Variants in AGBL1 observed in about 807,000 individuals in gnomAD.
AGBL1 encodes AGBL carboxypeptidase 1.
A neutral mutation model predicts 118.9 loss-of-function variants in AGBL1; 130 were observed. The observed-to-expected ratio is 1.09, with a 90% CI of 0.95 to 1.26. AGBL1 has a LOEUF of 1.26. Ranked by LOEUF, AGBL1 falls within the 50% of genes most tolerant of loss-of-function variation. The pLI, the probability that AGBL1 is intolerant of heterozygous loss-of-function variation, is 0.00. For missense variants in AGBL1, 1,584 were observed against 1,298.1 expected, an observed-to-expected ratio of 1.22 and a Z score of -3.38; for synonymous variants, 555 against 478.9, an observed-to-expected ratio of 1.16 and a Z score of -2.08.
At chr15:86,792,609 T>A (rs1011292807) in intron 22 of AGBL1, among the ~76,000 whole-genome samples, 1 of 152,114 alleles carries the variant, frequency 6.6e-6, no homozygotes, top group African/African-American at 2.4e-5. Flanking sequence ...CCAGACCTAG[T>A]TCTACCTGGC....
At chr15:86,858,007 A>C (rs963520597) in intron 22 of AGBL1, among the ~76,000 whole-genome samples, 1 of 152,072 alleles carries the variant, frequency 6.6e-6, no homozygotes, top group Non-Finnish European at 1.5e-5. Context: ...TTCTTTCCAG[A>C]ATAGTCTTTC....
chr15:86,827,489 G>GTGTATATA lies in AGBL1; in HGVS notation c.3159-79597_3159-79596insGTATATAT, dbSNP rs2079042884. On this transcript the variant is annotated intron_variant, in intron 22 of 22. Transcript: ENST00000614907. ...TATATACATATATATATATATGTGTGTATATATATATATATATATATATAT... is the reference window on the plus strand; with the variant it reads ...TATATACATATATATATATATGTGTGTGTATATATATATATATATATATATATATATAT... 1.2e-3 allele frequency among the ~76,000 whole-genome samples: 4 copies of GTGTATATA among 3,308 alleles called. 2 individuals are homozygous for GTGTATATA. The highest frequency in any genetic ancestry group is 4.2e-3 in the African/African-American group (4 of 952). The allele number at this position is 3,308 out of a possible 152,430, so 2.2% of individuals were successfully genotyped here.
At chr15:86,628,793 C>CA (rs909794779) in intron 21 of AGBL1, among the ~76,000 whole-genome samples, 14 of 146,188 alleles carry the variant, frequency 9.6e-5, no homozygotes, top group East Asian at 6.0e-4. Context: ...GACTCCATCT[C>CA]AAAAAAAAAA....
At chr15:86,992,475 C>G (rs1408207377) in intron 24 of AGBL1, among the ~76,000 whole-genome samples, 1 of 152,182 alleles carries the variant, frequency 6.6e-6, no homozygotes, top group East Asian at 1.9e-4. Flanking sequence ...ATCTATTGCA[C>G]TGAACACAGT....
At chr15:86,755,177 G>T (rs927423552) in intron 22 of AGBL1, among the ~76,000 whole-genome samples, 2 of 152,064 alleles carry the variant, frequency 1.3e-5, no homozygotes, top group African/African-American at 4.8e-5. Context: ...AAAAGGAAAG[G>T]AGGGAGCAAA....
intron 2 of AGBL1, 54 bp from the exon 3 acceptor site, chr15:86,143,645 A>G: frequency 4.4e-6 from 7 of 1,594,094 alleles, no homozygotes; most frequent in Non-Finnish European, 6.0e-6. Flanking sequence ...CTTCTGCTCC[A>G]AGGAAAATGG....
chr15:86,115,545 T>C (rs369700037), intron 1 of AGBL1, among the ~76,000 whole-genome samples: 5 of 152,036 alleles, frequency 3.3e-5, no homozygotes, highest in East Asian at 1.9e-4. Context: ...AGGCCGGAGG[T>C]AGTGAAATGC....
intron 22 of AGBL1, among the ~76,000 whole-genome samples, chr15:86,811,148 G>A (rs762998123): frequency 4.6e-5 from 7 of 152,102 alleles, no homozygotes; most frequent in Non-Finnish European, 8.8e-5. Context: ...AAGTGAAGTG[G>A]TAGAAAAGAA....
chr15:86,115,879 A>G (rs1203524395), intron 1 of AGBL1, among the ~76,000 whole-genome samples: 1 of 152,184 alleles, frequency 6.6e-6, no homozygotes, highest in Non-Finnish European at 1.5e-5. Flanking sequence ...CTTCTGGGAC[A>G]GCTCTGCTTT....
At chr15:86,752,256 C>T (rs563127056) in intron 22 of AGBL1, among the ~76,000 whole-genome samples, 1 of 152,096 alleles carries the variant, frequency 6.6e-6, no homozygotes, top group Non-Finnish European at 1.5e-5. Context: ...TCCCTCCCAA[C>T]TGATATATTC....
intron 21 of AGBL1, among the ~76,000 whole-genome samples, chr15:86,626,878 C>T (rs1308446584): frequency 6.6e-6 from 1 of 150,840 alleles, no homozygotes; most frequent in Admixed American, 6.6e-5. Context: ...TACTCTGTCC[C>T]CCAGGTTGGA....
chr15:86,602,165 C>T lies in AGBL1; in HGVS notation c.2994+47628C>T, dbSNP rs1489992161. The stretch of plus-strand genomic sequence containing the variant: ...CGACATTGGCAAGCATTAGTAATCC[C>T]TTTGCCAGAGAAAATCTAATCCTCA... On this transcript the variant is annotated intron_variant, in intron 21 of 22. Coordinates refer to ENST00000614907, the MANE Select transcript of AGBL1 (RefSeq NM_001386094.1). Among the ~76,000 whole-genome samples, 3 of 152,006 alleles carry T rather than the reference C, an allele frequency of 2.0e-5. No homozygotes were observed. The East Asian group carries it at 5.8e-4, about 29-fold the overall frequency.
At chr15:86,356,573 G>A (rs1459415746) in intron 17 of AGBL1, among the ~76,000 whole-genome samples, 1 of 152,070 alleles carries the variant, frequency 6.6e-6, no homozygotes, top group Non-Finnish European at 1.5e-5. Context: ...AGATGTCTTA[G>A]AGTGGATCAG....
At chr15:87,017,301 C>T (rs2081616634) in intron 24 of AGBL1, among the ~76,000 whole-genome samples, 1 of 152,158 alleles carries the variant, frequency 6.6e-6, no homozygotes, top group Non-Finnish European at 1.5e-5. Flanking sequence ...CTTCTTGGAG[C>T]AGGTCCCTGA....
intron 22 of AGBL1, among the ~76,000 whole-genome samples, chr15:86,894,040 C>G (rs1408351933): frequency 3.9e-5 from 6 of 152,176 alleles, no homozygotes; most frequent in Admixed American, 3.9e-4. Context: ...TATATTTTGC[C>G]CCTACACCAT....
chr15:86,539,353 A>G (rs1251141247), intron 19 of AGBL1, among the ~76,000 whole-genome samples: 3 of 152,110 alleles, frequency 2.0e-5, no homozygotes, highest in African/African-American at 7.2e-5. Flanking sequence ...TGTAGATTTT[A>G]CTTCTTTACT....
At chr15:86,880,318 C>A (rs2079873127) in intron 22 of AGBL1, among the ~76,000 whole-genome samples, 1 of 152,156 alleles carries the variant, frequency 6.6e-6, no homozygotes, top group Non-Finnish European at 1.5e-5. Flanking sequence ...TCACTGGGAG[C>A]TGCCATTCAT....
intron 21 of AGBL1, among the ~76,000 whole-genome samples, chr15:86,627,357 G>C (rs996121207): frequency 3.3e-5 from 5 of 152,182 alleles, no homozygotes; most frequent in Non-Finnish European, 7.3e-5. Context: ...TGCTGGAACA[G>C]GAGATGGGAT....
intron 22 of AGBL1, among the ~76,000 whole-genome samples, chr15:86,719,507 T>TA (rs1184900850): frequency 6.6e-6 from 1 of 152,148 alleles, no homozygotes; most frequent in African/African-American, 2.4e-5. Context: ...TTTCTATGCA[T>TA]AGGGAGCAGG....
Sources: allele counts gnomAD v4.1 joint callset (sites outside exome capture counted in the v4.1 genomes callset), GRCh38; gene constraint gnomAD v4.1.1; transcripts MANE v1.5; gene names NCBI Gene and HGNC (gene_info 2026-07-23, HGNC 2026-07-21).